TGFBI: variants seen among roughly 807,000 people sequenced by gnomAD.
TGFBI encodes transforming growth factor beta induced.
In TGFBI, 50 loss-of-function variants were observed where a neutral mutation model predicts 73.7. The ratio of observed to expected loss-of-function variants is 0.68; its 90% CI spans 0.54 to 0.86. TGFBI has a LOEUF of 0.86. Among genes scored for constraint, TGFBI ranks in the 40% least tolerant of loss-of-function variants. The pLI, the probability that TGFBI is intolerant of heterozygous loss-of-function variation, is 0.00. For synonymous variants in TGFBI, 362 were observed against 360.5 expected (o/e 1.00, Z -0.05); for missense variants, 839 against 877.0 (o/e 0.96, Z 0.55).
chr5:136,057,721 C>T (rs1751672818), intron 12 of TGFBI, among the ~76,000 whole-genome samples: 1 of 152,152 alleles, frequency 6.6e-6, no homozygotes, highest in Non-Finnish European at 1.5e-5. Flanking sequence ...GTCTACACCT[C>T]CCTTCCTGCT....
intron 12 of TGFBI, among the ~76,000 whole-genome samples, chr5:136,058,480 G>A (rs750110834): frequency 6.6e-6 from 1 of 152,172 alleles, no homozygotes; most frequent in Non-Finnish European, 1.5e-5. Flanking sequence ...TGGGCTGAAA[G>A]GAATGCTGAG....
At chr5:136,061,637 C>A in intron 15 of TGFBI, 58 bp downstream of exon 15, 1 of 1,431,092 alleles carries the variant, frequency 7.0e-7, no homozygotes, top group Non-Finnish European at 9.8e-7. Flanking sequence ...TCTGTTTGGG[C>A]CATAGAGGAG....
chr5:136,061,855 A>C (rs1043912869), intron 15 of TGFBI, among the ~76,000 whole-genome samples: 9 of 152,220 alleles, frequency 5.9e-5, no homozygotes, highest in African/African-American at 2.2e-4. Context: ...TGGAGAGAAC[A>C]GACATAGCTC....
Position 136,063,349 on chromosome 5 carries a change from CATA to C in TGFBI, c.*126_*128del. 1 of 853,660 alleles carries C rather than the reference CATA, an allele frequency of 1.2e-6. No homozygotes were observed. Among genetic ancestry groups the C allele is most frequent in the Non-Finnish European group, 1.9e-6 (1 of 521,442 alleles). 52.9% of individuals were successfully genotyped at this position (853,660 alleles called of 1,614,324 possible). On this transcript the variant is annotated 3_prime_UTR_variant, in exon 17 of 17. Transcript: ENST00000442011. ...ACACTTTAATGTACATGGGCCGCAC[CATA>C]ATGAGATGTGAGCCTTGTGCATGTG... is the stretch of plus-strand genomic sequence containing the variant.
intron 2 of TGFBI, among the ~76,000 whole-genome samples, chr5:136,041,981 C>G (rs1751346817): frequency 1.3e-5 from 2 of 152,324 alleles, no homozygotes; most frequent in South Asian, 4.1e-4. Context: ...CCCGTGTGCA[C>G]AGGGGGCCCT....
intron 1 of TGFBI, among the ~76,000 whole-genome samples, chr5:136,030,806 A>G (rs548233593): frequency 6.6e-6 from 1 of 152,318 alleles, no homozygotes; most frequent in South Asian, 2.1e-4. Context: ...CCACTAAGTC[A>G]GGAGAAGATC....
intron 14 of TGFBI, 193 bp from the exon 15 acceptor site, chr5:136,061,307 T>C: frequency 1.6e-6 from 1 of 614,544 alleles, no homozygotes; most frequent in African/African-American, 1.8e-5. Context: ...CCTCTCCTCA[T>C]GTGTGCATTC....
chr5:136,031,284 G>T (rs554700842), intron 1 of TGFBI, among the ~76,000 whole-genome samples: 1 of 152,244 alleles, frequency 6.6e-6, no homozygotes, highest in Admixed American at 6.5e-5. Context: ...GGGCTGTGGC[G>T]CCTTGTGCAA....
Position 136,029,167 on chromosome 5 carries a change from A to G in TGFBI, c.112A>G (p.Arg38Gly). Residue 38 changes from arginine to glycine, a missense_variant, in exon 1 of 17, where the codon AGG becomes GGG. Coordinates refer to ENST00000442011, the MANE Select transcript of TGFBI (RefSeq NM_000358.3). The part of the protein sequence containing the change: ...SPYQLVLQHS[R>G]LRGRQHGPNV... ...CTACCAGCTGGTGCTGCAGCACAGC[A>G]GGCTCCGGGGCCGCCAGCACGGGTA... 2 of 1,516,310 alleles carry G rather than the reference A, an allele frequency of 1.3e-6. No individual in the cohort carries two copies. The highest frequency in any genetic ancestry group is 1.8e-6 in the Non-Finnish European group (2 of 1,138,130). 93.9% of individuals were successfully genotyped at this position (1,516,310 alleles called of 1,614,324 possible).
At chr5:136,051,342 A>G (rs374207926) in intron 7 of TGFBI, among the ~76,000 whole-genome samples, 4 of 152,168 alleles carry the variant, frequency 2.6e-5, no homozygotes, top group East Asian at 3.9e-4. Context: ...AGGTAGGAGA[A>G]TCACTTGAAC....
chr5:136,055,515 T>C, intron 10 of TGFBI, 165 bp from the exon 11 acceptor site: 5 of 597,674 alleles, frequency 8.4e-6, no homozygotes, highest in Non-Finnish European at 1.3e-5. Context: ...TATTGTTTTA[T>C]TTCCTGGAGA....
At chr5:136,061,974 C>CCCAT (rs1323775845) in intron 15 of TGFBI, among the ~76,000 whole-genome samples, 1 of 152,216 alleles carries the variant, frequency 6.6e-6, no homozygotes, top group Non-Finnish European at 1.5e-5. Flanking sequence ...CATGGCATTG[C>CCCAT]CCATCCTGGG....
At chr5:136,035,219 TGCCAAGATTCAGCTAACA>T (rs1751191929) in intron 2 of TGFBI, among the ~76,000 whole-genome samples, 1 of 152,148 alleles carries the variant, frequency 6.6e-6, no homozygotes, top group Non-Finnish European at 1.5e-5. Context: ...GAGGACACAC[TGCCAAGATTCAGCTAACA>T]GACACCCAGC....
intron 2 of TGFBI, among the ~76,000 whole-genome samples, chr5:136,043,434 C>A (rs959600481): frequency 6.6e-6 from 1 of 152,032 alleles, no homozygotes; most frequent in Admixed American, 6.5e-5. Flanking sequence ...GTAAGAGGAG[C>A]TTTGTTTTAA....
At chr5:136,046,570 A>G (rs1751431945) in intron 4 of TGFBI, 75 bp downstream of exon 4, 2 of 1,472,228 alleles carry the variant, frequency 1.4e-6, no homozygotes, top group African/African-American at 1.4e-5. Flanking sequence ...GGCATGATGA[A>G]TGGGAGTCTG....
intron 6 of TGFBI, chr5:136,048,418 T>C (rs1751475113): frequency 6.6e-6 from 1 of 152,250 alleles, no homozygotes; most frequent in Admixed American, 6.5e-5. Flanking sequence ...AACACATACT[T>C]ACTAGGTACC....
rs188322933 is a variant in TGFBI, at chr5:136,046,358, G to A, written c.322G>A (p.Glu108Lys). 116 of 1,613,868 alleles carry A rather than the reference G, an allele frequency of 7.2e-5. 1 individual carries two copies. The highest frequency in any genetic ancestry group is 9.4e-5 in the Non-Finnish European group (111 of 1,179,846). The change falls in exon 4 of 17, where the codon GAG (glutamate) becomes AAG (lysine). Residue 108 changes from glutamate (E) to lysine (K), a missense_variant. Coordinates refer to ENST00000442011, the MANE Select transcript of TGFBI (RefSeq NM_000358.3). The part of the protein sequence containing the change: ...PAALPLSNLY[E>K]TLGVVGSTTT... ...AGCCCTACCACTCTCAAACCTTTAC[G>A]AGACCCTGGGAGTCGTTGGATCCAC...
At chr5:136,037,346 C>A (rs774400113) in intron 2 of TGFBI, among the ~76,000 whole-genome samples, 1 of 152,164 alleles carries the variant, frequency 6.6e-6, no homozygotes, top group Non-Finnish European at 1.5e-5. Flanking sequence ...GTCAGCATCC[C>A]CCTCTGTGAT....
rs974199002 is a variant in TGFBI at position 136,046,997 on chromosome 5, C to T, written c.606C>T (p.Ile202=). 6 of 1,612,756 alleles carry T rather than the reference C, an allele frequency of 3.7e-6. No homozygotes were observed. The highest frequency in any genetic ancestry group is 5.1e-6 in the Non-Finnish European group (6 of 1,179,818). Residue 202 remains isoleucine (I), a synonymous_variant, in exon 5 of 17, where the codon ATC becomes ATT. Coordinates refer to ENST00000442011, the MANE Select transcript of TGFBI (RefSeq NM_000358.3). ...TGTACCAGAATTCCAACATCCAGATCCACCACTATCCTAATGGGGTAGGGG... is the reference window on the plus strand; with the variant it reads ...TGTACCAGAATTCCAACATCCAGATTCACCACTATCCTAATGGGGTAGGGG... ...TSMYQNSNIQ[I]HHYPNGIVTV...
Sources: allele counts gnomAD v4.1 joint callset (sites outside exome capture counted in the v4.1 genomes callset), GRCh38; gene constraint gnomAD v4.1.1; transcripts MANE v1.5; gene names NCBI Gene and HGNC (gene_info 2026-07-23, HGNC 2026-07-21).